The following C12orf75 variants were observed in gnomAD, a reference collection of about 807,000 sequenced individuals.
C12orf75 encodes the protein overexpressed in colon carcinoma 1 protein.
Under a neutral mutation model 11.4 loss-of-function variants are expected in C12orf75, and 4 were observed. The observed-to-expected ratio is 0.35, with a 90% CI of 0.17 to 0.80. The LOEUF is 0.80. C12orf75 is among the 30% of genes least tolerant of loss of function. C12orf75 has a pLI of 0.52. For synonymous variants in C12orf75, 30 were observed against 30.0 expected (o/e 1.00, Z 0.00); for missense variants, 89 against 80.4 (o/e 1.11, Z -0.41).
chr12:105,364,501 A>G (rs1176783503), intron 2 of C12orf75, among the ~76,000 whole-genome samples: 2 of 151,972 alleles, frequency 1.3e-5, no homozygotes, highest in Non-Finnish European at 2.9e-5. Flanking sequence ...TTCCTTCTTT[A>G]TAGACTTGGA....
intron 2 of C12orf75, among the ~76,000 whole-genome samples, chr12:105,356,702 T>G (rs1029819833): frequency 5.9e-5 from 9 of 152,148 alleles, no homozygotes; most frequent in Non-Finnish European, 1.5e-5. Flanking sequence ...ATGACATGGT[T>G]CCATTATTTC....
Position 105,330,881 on chromosome 12 carries a change from C to T in C12orf75, c.-11C>T, listed in dbSNP as rs548374741. 633 of 1,254,454 alleles carry T rather than the reference C, an allele frequency of 5.0e-4. 6 individuals are homozygous for T. The African/African-American group carries it at 8.8e-3, about 18-fold the overall frequency. The allele number at this position is 1,254,454 out of a possible 1,614,324, so 77.7% of individuals were successfully genotyped here. A position where few individuals can be genotyped will look rare whatever the true frequency, so the allele number is the denominator to read the frequency against. ...GAGCTCCGGAGCGCGGCTTCCCCGGCCGGCTGCGCGATGGGCTGCGGGAAC... is the reference window on the plus strand; with the variant it reads ...GAGCTCCGGAGCGCGGCTTCCCCGGTCGGCTGCGCGATGGGCTGCGGGAAC... On this transcript the variant is annotated 5_prime_UTR_variant, in exon 1 of 6. Coordinates refer to ENST00000443585, the MANE Select transcript of C12orf75 (RefSeq NM_001145199.2).
chr12:105,347,659 C>T (rs993591032), intron 1 of C12orf75, among the ~76,000 whole-genome samples: 3 of 152,256 alleles, frequency 2.0e-5, no homozygotes, highest in African/African-American at 4.8e-5. Context: ...GGGTCTGCCT[C>T]TCCCAGTCCA....
At chr12:105,338,895 A>C (rs11112475) in intron 1 of C12orf75, among the ~76,000 whole-genome samples, 1 of 152,082 alleles carries the variant, frequency 6.6e-6, no homozygotes, top group Non-Finnish European at 1.5e-5. Context: ...GGGGACAAAC[A>C]AACCAAACTC....
At chr12:105,331,591 A>AACACACACAGACACAC (rs1892424948) in intron 1 of C12orf75, among the ~76,000 whole-genome samples, 1 of 149,176 alleles carries the variant, frequency 6.7e-6, no homozygotes, top group African/African-American at 2.5e-5. Context: ...CTTTTCATTA[A>AACACACACAGACACAC]ACACACACAC....
chr12:105,336,844 G>A (rs567084316), intron 1 of C12orf75, among the ~76,000 whole-genome samples: 24 of 152,302 alleles, frequency 1.6e-4, no homozygotes, highest in African/African-American at 5.8e-4. Flanking sequence ...TGTTTGAAGT[G>A]ATGATGAATA....
chr12:105,331,772 C>T (rs1892431161), intron 1 of C12orf75, among the ~76,000 whole-genome samples: 1 of 152,042 alleles, frequency 6.6e-6, no homozygotes, highest in Non-Finnish European at 1.5e-5. Context: ...TTTAAGGTAC[C>T]CTGGATCTGT....
At chr12:105,347,746 A>G (rs1892657163) in intron 1 of C12orf75, among the ~76,000 whole-genome samples, 1 of 152,204 alleles carries the variant, frequency 6.6e-6, no homozygotes, top group African/African-American at 2.4e-5. Context: ...TCTTCAGTTC[A>G]ATCAAGTAGA....
At chr12:105,331,271 G>T (rs1302158277) in intron 1 of C12orf75, among the ~76,000 whole-genome samples, 1 of 151,930 alleles carries the variant, frequency 6.6e-6, no homozygotes, top group Non-Finnish European at 1.5e-5. Context: ...GTGGTCCCCG[G>T]CCGCTCCCCC....
At chr12:105,352,889 A>G (rs368287617) in intron 2 of C12orf75, among the ~76,000 whole-genome samples, 20 of 152,160 alleles carry the variant, frequency 1.3e-4, no homozygotes, top group African/African-American at 4.8e-4. Context: ...AAACAAGCCT[A>G]TTTTTCCCTC....
chr12:105,347,888 C>G (rs1410806365), intron 1 of C12orf75, among the ~76,000 whole-genome samples: 1 of 152,216 alleles, frequency 6.6e-6, no homozygotes, highest in African/African-American at 2.4e-5. Context: ...CATTAGCGCA[C>G]AGTTTGACTT....
chr12:105,348,441 T>A (rs911200228), intron 1 of C12orf75, among the ~76,000 whole-genome samples, 161 bp from the exon 2 acceptor site: 2 of 151,804 alleles, frequency 1.3e-5, no homozygotes, highest in African/African-American at 2.4e-5. Context: ...AAAAAAAGAT[T>A]TGAATTTTAT....
rs1000260428 is a variant in C12orf75, at chr12:105,348,399, A to G, written c.47-203A>G. Among the ~76,000 whole-genome samples, 4 of 149,890 alleles carry G rather than the reference A, an allele frequency of 2.7e-5. No individual in the cohort carries two copies. The Admixed American group carries it at 2.7e-4, about 10-fold the overall frequency. ...CACTGCACTCCAGCTTGGGCAACGA[A>G]GTGAGACTGTATCTGAAACAAAAAA... On this transcript the variant is annotated intron_variant, in intron 1 of 5. Transcript: ENST00000443585.
chr12:105,359,469 T>C (rs1392804069), intron 2 of C12orf75, among the ~76,000 whole-genome samples: 1 of 152,032 alleles, frequency 6.6e-6, no homozygotes, highest in Non-Finnish European at 1.5e-5. Flanking sequence ...GAGGCTATTA[T>C]TTAGCAGTGG....
Position 105,366,674 on chromosome 12 carries a change from TCAAA to T in C12orf75, c.170_173del (p.Thr57ArgfsTer10). 6.5e-7 allele frequency: 1 copy of T among 1,537,852 alleles called. No individual in the cohort carries two copies. Among genetic ancestry groups the T allele is most frequent in the Non-Finnish European group, 8.8e-7 (1 of 1,134,782 alleles). ...CTGAAGCTGTCAATATGGTGTCCAG[TCAAA>T]CAAAGACGGTTCGGAAAAGTAAGTG... On this transcript the variant is annotated frameshift_variant, in exon 4 of 6. Transcript: ENST00000443585. LOFTEE classifies it high-confidence loss of function.
At chr12:105,344,745 CAAAAAAAA>C (rs35185869) in intron 1 of C12orf75, among the ~76,000 whole-genome samples, 1 of 102,588 alleles carries the variant, frequency 9.7e-6, no homozygotes. Context: ...GACTCTGTGT[CAAAAAAAA>C]AAAAAAAAAA....
chr12:105,348,162 C>T (rs7295277), intron 1 of C12orf75, among the ~76,000 whole-genome samples: 32,965 of 152,066 alleles, frequency 0.22, 3,858 homozygotes, highest in Non-Finnish European at 0.27. Context: ...TGCCTGTAAT[C>T]CTAGCACTTT....
At position 105,371,393 on chromosome 12, in the gene C12orf75, A is replaced by T. The variant is rs150683511; in HGVS notation, c.*793A>T. On this transcript the variant is annotated 3_prime_UTR_variant, in exon 6 of 6. Transcript: ENST00000443585. Reference sequence around the variant, plus strand: ...TTCTATAACTTTTCAAGGACTTGCGATGGATGGTTAGTGGGATATCTGGAA... The same window carrying T: ...TTCTATAACTTTTCAAGGACTTGCGTTGGATGGTTAGTGGGATATCTGGAA... 3 of 152,332 alleles carry T rather than the reference A, an allele frequency of 2.0e-5. No homozygotes were observed. The highest frequency in any genetic ancestry group is 7.2e-5 in the African/African-American group (3 of 41,580). 9.4% of individuals were successfully genotyped at this position (152,332 alleles called of 1,614,324 possible).
chr12:105,339,149 G>T (rs1297432851), intron 1 of C12orf75, among the ~76,000 whole-genome samples: 2 of 152,052 alleles, frequency 1.3e-5, no homozygotes, highest in African/African-American at 4.8e-5. Flanking sequence ...GCCAAACCAA[G>T]ACTATGACAT....
Sources: allele counts gnomAD v4.1 joint callset (sites outside exome capture counted in the v4.1 genomes callset), GRCh38; gene constraint gnomAD v4.1.1; transcripts MANE v1.5; gene names NCBI Gene and HGNC (gene_info 2026-07-23, HGNC 2026-07-21).